The following YWHAQ variants were observed in gnomAD, a reference collection of about 807,000 sequenced individuals.
YWHAQ encodes 14-3-3 protein theta.
YWHAQ carries 6 observed loss-of-function variants against 28.3 expected under a neutral mutation model. The ratio of observed to expected loss-of-function variants is 0.21; its 90% CI spans 0.12 to 0.42. The LOEUF (loss-of-function observed/expected upper bound fraction) is 0.42, where lower values mean the gene tolerates loss of function less well. Ranked by LOEUF, YWHAQ falls within the 10% of genes least tolerant of loss-of-function variation. YWHAQ has a pLI of 1.00. For missense variants in YWHAQ, 201 were observed against 305.6 expected, an observed-to-expected ratio of 0.66 and a Z score of 2.55; for synonymous variants, 143 against 119.1, an observed-to-expected ratio of 1.20 and a Z score of -1.31.
At chr2:9,623,327 C>A (rs1667179854) in intron 2 of YWHAQ, among the ~76,000 whole-genome samples, 1 of 152,232 alleles carries the variant, frequency 6.6e-6, no homozygotes, top group Admixed American at 6.5e-5. Flanking sequence ...CATACCTTTT[C>A]AGAAGGCTAT....
chr2:9,588,332 TG>T lies in YWHAQ; in HGVS notation c.419-5del. 4.4e-6 allele frequency: 7 copies of T among 1,604,400 alleles called. No individual in the cohort carries two copies. The highest frequency in any genetic ancestry group is 5.9e-6 in the Non-Finnish European group (7 of 1,177,612). ...CCTTGGGAATTATCTATCGTTTCTG[TG>T]AAGAGCGAAAAATAAGAAGTGCAAT... is the stretch of plus-strand genomic sequence containing the variant. On this transcript the variant is annotated splice_polypyrimidine_tract_variant and splice_region_variant and intron_variant, in intron 3 of 5. Transcript: ENST00000238081.
chr2:9,607,405 CA>C (rs1443647665), intron 2 of YWHAQ, among the ~76,000 whole-genome samples: 2 of 150,108 alleles, frequency 1.3e-5, no homozygotes. Flanking sequence ...GACTGAATTT[CA>C]CCATGCTGGC....
intron 2 of YWHAQ, among the ~76,000 whole-genome samples, chr2:9,609,002 C>T (rs1405276676): frequency 6.6e-6 from 1 of 152,208 alleles, no homozygotes; most frequent in East Asian, 1.9e-4. Context: ...GATTCTCTAT[C>T]ATGAGGCGTC....
At chr2:9,608,532 T>C (rs889677050) in intron 2 of YWHAQ, among the ~76,000 whole-genome samples, 2 of 152,084 alleles carry the variant, frequency 1.3e-5, no homozygotes, top group African/African-American at 4.8e-5. Context: ...AAGCTGAAAA[T>C]GTTAAAAATG....
intron 2 of YWHAQ, among the ~76,000 whole-genome samples, chr2:9,627,586 C>T (rs1350098309): frequency 6.6e-6 from 1 of 152,134 alleles, no homozygotes; most frequent in East Asian, 1.9e-4. Context: ...TCCCAGGACT[C>T]TGGGAGGCCA....
At chr2:9,626,477 T>C (rs888254817) in intron 2 of YWHAQ, among the ~76,000 whole-genome samples, 1 of 152,256 alleles carries the variant, frequency 6.6e-6, no homozygotes, top group South Asian at 2.1e-4. Flanking sequence ...TGGCCCAGGC[T>C]GGAGTGCAGT....
Position 9,593,923 on chromosome 2 carries a change from T to TATATACAC in YWHAQ, c.295-2409_295-2408insGTGTATAT, listed in dbSNP as rs377495113. 3.7e-3 allele frequency among the ~76,000 whole-genome samples: 501 copies of TATATACAC among 135,152 alleles called. 1 individual carries two copies. Among genetic ancestry groups the TATATACAC allele is most frequent in the African/African-American group, 9.2e-3 (316 of 34,384 alleles). The allele number at this position is 135,152 out of a possible 152,430, so 88.7% of individuals were successfully genotyped here. On this transcript the variant is annotated intron_variant, in intron 2 of 5. Transcript: ENST00000238081. ...TAAAAAAAATATATATATATATATA[T>TATATACAC]ACACACACACACACACACACTTTTT...
intron 2 of YWHAQ, among the ~76,000 whole-genome samples, chr2:9,610,670 G>A (rs369714244): frequency 1.7e-4 from 26 of 152,140 alleles, no homozygotes; most frequent in African/African-American, 5.5e-4. Flanking sequence ...CACCATGCCC[G>A]GCTAATTTTG....
chr2:9,598,522 CA>C (rs1350531210), intron 2 of YWHAQ, among the ~76,000 whole-genome samples: 1 of 152,090 alleles, frequency 6.6e-6, no homozygotes, highest in Non-Finnish European at 1.5e-5. Context: ...CTATCAGAGC[CA>C]ATTTCCACCA....
intron 2 of YWHAQ, among the ~76,000 whole-genome samples, chr2:9,601,422 C>T (rs937893364): frequency 6.6e-6 from 1 of 152,150 alleles, no homozygotes; most frequent in Non-Finnish European, 1.5e-5. Context: ...GCCAGAATTG[C>T]ACCACTGCAT....
At chr2:9,610,596 C>T (rs1666925730) in intron 2 of YWHAQ, among the ~76,000 whole-genome samples, 1 of 152,150 alleles carries the variant, frequency 6.6e-6, no homozygotes, top group Admixed American at 6.5e-5. Context: ...GCAACCTCCA[C>T]CTCCTGGGTT....
At chr2:9,587,610 A>C in intron 4 of YWHAQ, 101 bp from the exon 5 acceptor site, 1 of 964,530 alleles carries the variant, frequency 1.0e-6, no homozygotes, top group South Asian at 1.9e-5. Flanking sequence ...CACCCACCTT[A>C]TGTTCTACCA....
intron 3 of YWHAQ, among the ~76,000 whole-genome samples, chr2:9,589,550 T>C (rs576215123): frequency 2.6e-4 from 39 of 152,272 alleles, no homozygotes; most frequent in South Asian, 4.1e-4. Context: ...GCCATTGCAC[T>C]TCAACCTGGG....
At chr2:9,587,377 T>C in intron 5 of YWHAQ, 37 bp downstream of exon 5, 1 of 1,562,520 alleles carries the variant, frequency 6.4e-7, no homozygotes, top group Admixed American at 2.0e-5. Flanking sequence ...CTTTTGTTTC[T>C]GAAAAGAAAA....
intron 2 of YWHAQ, among the ~76,000 whole-genome samples, chr2:9,594,993 T>A (rs1351628224): frequency 6.6e-6 from 1 of 150,998 alleles, no homozygotes; most frequent in East Asian, 1.9e-4. Flanking sequence ...TTTCTAAAAT[T>A]ATTAACTTTG....
intron 2 of YWHAQ, among the ~76,000 whole-genome samples, chr2:9,612,115 C>T (rs576814688): frequency 4.6e-5 from 7 of 152,350 alleles, no homozygotes; most frequent in East Asian, 3.9e-4. Flanking sequence ...ACTGATTTCA[C>T]CTTTTCACAG....
At chr2:9,587,926 CCTT>C (rs765264303) in intron 4 of YWHAQ, among the ~76,000 whole-genome samples, 6 of 152,148 alleles carry the variant, frequency 3.9e-5, no homozygotes, top group Non-Finnish European at 7.3e-5. Flanking sequence ...CATCATTTAT[CCTT>C]CTTTGATTAC....
chr2:9,624,843 T>C (rs996116305), intron 2 of YWHAQ, among the ~76,000 whole-genome samples: 3 of 151,802 alleles, frequency 2.0e-5, no homozygotes, highest in Admixed American at 6.6e-5. Flanking sequence ...GTCTCCCCGA[T>C]TGTAGCAATT....
intron 2 of YWHAQ, among the ~76,000 whole-genome samples, chr2:9,629,150 G>C (rs988311272): frequency 2.6e-5 from 4 of 151,930 alleles, no homozygotes; most frequent in Non-Finnish European, 5.9e-5. Context: ...GTCTATCAAA[G>C]CCCACCTAAA....
Sources: allele counts gnomAD v4.1 joint callset (sites outside exome capture counted in the v4.1 genomes callset), GRCh38; gene constraint gnomAD v4.1.1; transcripts MANE v1.5; gene names NCBI Gene and HGNC (gene_info 2026-07-23, HGNC 2026-07-21).